KDM7A: variants seen among roughly 807,000 people sequenced by gnomAD.
KDM7A encodes the protein lysine demethylase 7A, also known as lysine-specific demethylase 7A.
In KDM7A, 28 loss-of-function variants were observed where a neutral mutation model predicts 114.8. The observed-to-expected ratio is 0.24, with a 90% confidence interval of 0.18 to 0.33. The LOEUF (loss-of-function observed/expected upper bound fraction) is 0.33, where lower values mean the gene tolerates loss of function less well. Ranked by LOEUF, KDM7A falls within the 10% of genes least tolerant of loss-of-function variation. The pLI, the probability that KDM7A is intolerant of heterozygous loss-of-function variation, is 1.00. For synonymous variants in KDM7A, 423 were observed against 397.8 expected, an observed-to-expected ratio of 1.06 and a Z score of -0.75; for missense variants, 942 against 1,142.5, an observed-to-expected ratio of 0.82 and a Z score of 2.53.
At chr7:140,107,982 T>C (rs1470118583) in intron 11 of KDM7A, among the ~76,000 whole-genome samples, 1 of 152,190 alleles carries the variant, frequency 6.6e-6, no homozygotes, top group Non-Finnish European at 1.5e-5. Flanking sequence ...TTTTTACTCT[T>C]TTTTCTCTAA....
chr7:140,114,488 G>A (rs939209248), intron 9 of KDM7A, among the ~76,000 whole-genome samples: 7 of 152,164 alleles, frequency 4.6e-5, no homozygotes, highest in African/African-American at 1.4e-4. Context: ...TGCCCAGGCT[G>A]GAGTGCAGTG....
At chr7:140,095,715 C>T in intron 17 of KDM7A, 1 of 209,236 alleles carries the variant, frequency 4.8e-6, no homozygotes, top group South Asian at 4.7e-5. Context: ...CTCGTCTCTA[C>T]AAAAAATAAA....
chr7:140,092,885 G>C (rs1818044842), intron 18 of KDM7A, among the ~76,000 whole-genome samples: 1 of 151,992 alleles, frequency 6.6e-6, no homozygotes, highest in South Asian at 2.1e-4. Flanking sequence ...GCTACAGTGA[G>C]GCACTATAAA....
rs1469592765 is a variant in KDM7A, at chr7:140,089,504, A to G, written c.*1590T>C. On this transcript the variant is annotated 3_prime_UTR_variant, in exon 20 of 20. Transcript: ENST00000397560. Reference sequence around the variant, plus strand: ...TGCTGAGTAAAAAAAAGACAAATCCATAATATGGCCATATTTCTTCTCCAT... The same window carrying G: ...TGCTGAGTAAAAAAAAGACAAATCCGTAATATGGCCATATTTCTTCTCCAT... 1 of 152,314 alleles carries G rather than the reference A, an allele frequency of 6.6e-6. No homozygotes were observed. Among genetic ancestry groups the G allele is most frequent in the African/African-American group, 2.4e-5 (1 of 41,556 alleles). The allele number at this position is 152,314 out of a possible 1,614,324, so 9.4% of individuals were successfully genotyped here. A position where few individuals can be genotyped will look rare whatever the true frequency, so the allele number is the denominator to read the frequency against.
intron 6 of KDM7A, 33 bp from the exon 7 acceptor site, chr7:140,124,816 G>C (rs1201485863): frequency 7.0e-7 from 1 of 1,420,520 alleles, no homozygotes; most frequent in Non-Finnish European, 9.7e-7. Flanking sequence ...TTTTGAAAAA[G>C]CAAAAGCCAT....
intron 8 of KDM7A, among the ~76,000 whole-genome samples, chr7:140,120,176 A>C (rs1314503161): frequency 6.6e-6 from 1 of 152,232 alleles, no homozygotes; most frequent in Non-Finnish European, 1.5e-5. Context: ...AAGAACACAT[A>C]CATTTTCACA....
intron 12 of KDM7A, among the ~76,000 whole-genome samples, chr7:140,100,354 T>TC (rs1212098650): frequency 2.6e-5 from 4 of 152,138 alleles, no homozygotes; most frequent in Admixed American, 2.6e-4. Flanking sequence ...TTAGCTCTCT[T>TC]CCCCTTGCTT....
intron 1 of KDM7A, among the ~76,000 whole-genome samples, chr7:140,158,485 G>C (rs1459835340): frequency 6.6e-6 from 1 of 152,136 alleles, no homozygotes; most frequent in Admixed American, 6.5e-5. Flanking sequence ...ATGAAATGAA[G>C]AGGACTACAG....
At chr7:140,101,854 G>A in intron 12 of KDM7A, 97 bp downstream of exon 12, 1 of 794,236 alleles carries the variant, frequency 1.3e-6, no homozygotes, top group Admixed American at 2.1e-5. Flanking sequence ...GCCAAGATTA[G>A]ATATCAACAA....
intron 18 of KDM7A, among the ~76,000 whole-genome samples, chr7:140,093,117 T>C (rs2116734456): frequency 6.6e-6 from 1 of 152,356 alleles, no homozygotes; most frequent in African/African-American, 2.4e-5. Flanking sequence ...CAGAGATTAA[T>C]GATGTTCCAT....
At chr7:140,113,175 C>T (rs1262734410) in intron 10 of KDM7A, among the ~76,000 whole-genome samples, 1 of 152,216 alleles carries the variant, frequency 6.6e-6, no homozygotes, top group Non-Finnish European at 1.5e-5. Context: ...AGATTAAGCA[C>T]AGTGCTCTCA....
At position 140,097,662 on chromosome 7, in the gene KDM7A, T is replaced by C; in HGVS notation, c.1919-20A>G. Reference sequence around the variant, plus strand: ...AAAACCCTGAAAAAGAATGAAAGGATGAGAAAAAGAGAAAGTCATTTGACT... The same window carrying C: ...AAAACCCTGAAAAAGAATGAAAGGACGAGAAAAAGAGAAAGTCATTTGACT... On this transcript the variant is annotated intron_variant, in intron 14 of 19. Transcript: ENST00000397560. The C allele has an allele frequency of 7.2e-7, 1 of 1,390,048 alleles. No homozygotes were observed. The highest frequency in any genetic ancestry group is 1.0e-6 in the Non-Finnish European group (1 of 978,898). The allele number at this position is 1,390,048 out of a possible 1,614,324, so 86.1% of individuals were successfully genotyped here. A position where few individuals can be genotyped will look rare whatever the true frequency, so the allele number is the denominator to read the frequency against.
intron 12 of KDM7A, among the ~76,000 whole-genome samples, chr7:140,100,792 G>A (rs1421463110): frequency 1.4e-5 from 2 of 139,206 alleles, no homozygotes; most frequent in African/African-American, 5.3e-5. Flanking sequence ...ACGGAGTCTC[G>A]CTCTGTCGCC....
intron 9 of KDM7A, among the ~76,000 whole-genome samples, chr7:140,116,129 C>G (rs1347530058): frequency 6.6e-6 from 1 of 152,186 alleles, no homozygotes; most frequent in Admixed American, 6.5e-5. Flanking sequence ...TACCTATGAC[C>G]TAGCAATTAG....
At chr7:140,099,272 G>T (rs1416872807) in intron 13 of KDM7A, among the ~76,000 whole-genome samples, 1 of 152,186 alleles carries the variant, frequency 6.6e-6, no homozygotes. Context: ...ATAGCTCACT[G>T]TAAGTTTGAA....
At chr7:140,150,471 TG>T (rs1438500483) in intron 1 of KDM7A, among the ~76,000 whole-genome samples, 1 of 152,210 alleles carries the variant, frequency 6.6e-6, no homozygotes, top group Non-Finnish European at 1.5e-5. Flanking sequence ...TTCAAAAGAA[TG>T]ATGCAGCTCT....
intron 16 of KDM7A, 58 bp from the exon 17 acceptor site, chr7:140,096,821 T>C (rs1337446237): frequency 3.1e-6 from 5 of 1,591,754 alleles, no homozygotes; most frequent in Non-Finnish European, 4.3e-6. Flanking sequence ...ACATTTTTGG[T>C]AAAATTTAAA....
At chr7:140,167,091 G>A (rs1347450228) in intron 1 of KDM7A, among the ~76,000 whole-genome samples, 1 of 151,888 alleles carries the variant, frequency 6.6e-6, no homozygotes, top group African/African-American at 2.4e-5. Flanking sequence ...ACACCTGAAA[G>A]ACACAAAAGT....
intron 3 of KDM7A, among the ~76,000 whole-genome samples, chr7:140,132,466 A>G (rs1270177385): frequency 6.6e-6 from 1 of 152,146 alleles, no homozygotes; most frequent in African/African-American, 2.4e-5. Flanking sequence ...AATTATACAT[A>G]CCATTTTAGG....
Sources: gnomAD v4.1 joint callset for allele counts (sites outside exome capture counted in the v4.1 genomes callset) on GRCh38, gnomAD v4.1.1 for gene constraint, MANE v1.5 for transcripts, NCBI Gene and HGNC (gene_info 2026-07-23, HGNC 2026-07-21) for gene names.